CACFD1: variants seen among roughly 807,000 people sequenced by gnomAD.
The protein encoded by CACFD1 is calcium channel flower homolog.
CACFD1 carries 26 observed loss-of-function variants against 21.3 expected under a neutral mutation model. The observed-to-expected ratio is 1.22, with a 90% CI of 0.89 to 1.69. The LOEUF (loss-of-function observed/expected upper bound fraction) is 1.69. Ranked by LOEUF, CACFD1 falls within the 40% of genes most tolerant of loss-of-function variation. The pLI is 0.00. For synonymous variants in CACFD1, 121 were observed against 106.6 expected (o/e 1.13, Z -0.83); for missense variants, 265 against 236.2 (o/e 1.12, Z -0.80).
rs782414060 is a variant in CACFD1 at position 133,465,384 on chromosome 9, C to T, written c.257C>T (p.Ala86Val). ...TTCTGCTGCCAGTTCATCGAGTTTG[C>T]AAACACAGTGGCGGAGAAGGTGGAC... ...APFCCQFIEF[A>V]NTVAEKVDRL... Residue 86 changes from alanine to valine, a missense_variant, in exon 3 of 5, where the codon GCA (alanine) becomes GTA (valine). Ala to Val is a moderately conservative substitution (Grantham distance 64, BLOSUM62 0). Coordinates refer to ENST00000316948, the MANE Select transcript of CACFD1 (RefSeq NM_017586.5). The surrounding 1 kb of genome is among the most constrained non-coding windows in gnomAD (Gnocchi z 5.0). 4 of 1,613,912 alleles carry T rather than the reference C, an allele frequency of 2.5e-6. No individual in the cohort carries two copies. The highest frequency in any genetic ancestry group is 3.4e-6 in the Non-Finnish European group (4 of 1,179,924).
At chr9:133,460,549 C>T (rs1554798266) in intron 1 of CACFD1, among the ~76,000 whole-genome samples, 1 of 141,250 alleles carries the variant, frequency 7.1e-6, no homozygotes, top group Non-Finnish European at 1.6e-5. Context: ...TTTTGTGAGA[C>T]TTTCTCGGTG....
chr9:133,465,198 G>C lies in CACFD1; in HGVS notation c.195-124G>C. On this transcript the variant is annotated intron_variant, in intron 2 of 4. Transcript: ENST00000316948. This position sits in a 1 kb window ranked among gnomAD's most constrained non-coding sequence, Gnocchi z 5.0. ...CCTGGAGCAGCCGGGCGGCTTCCCAGAGGAGGAGGGATGAGGGCAGGAGGG... is the reference window on the plus strand; with the variant it reads ...CCTGGAGCAGCCGGGCGGCTTCCCACAGGAGGAGGGATGAGGGCAGGAGGG... 8.4e-7 allele frequency: 1 copy of C among 1,187,924 alleles called. No homozygotes were observed. Among genetic ancestry groups the C allele is most frequent in the Non-Finnish European group, 1.2e-6 (1 of 811,008 alleles). The allele number at this position is 1,187,924 out of a possible 1,614,324, so 73.6% of individuals were successfully genotyped here. A position where few individuals can be genotyped will look rare whatever the true frequency, so the allele number is the denominator to read the frequency against.
In CACFD1 at chr9:133,461,808, A is replaced by T. The variant is rs906660500; in HGVS notation, c.121+1621A>T. On this transcript the variant is annotated intron_variant, in intron 1 of 4. Coordinates refer to ENST00000316948, the MANE Select transcript of CACFD1 (RefSeq NM_017586.5). ...GGTTATGTGAACATCAAAATGCTGTATTACAGGGTAGAATGCAAAAATGCA... is the reference window on the plus strand; with the variant it reads ...GGTTATGTGAACATCAAAATGCTGTTTTACAGGGTAGAATGCAAAAATGCA... 25 of 936,726 alleles carry T rather than the reference A, an allele frequency of 2.7e-5. No homozygotes were observed. In the Admixed American group the frequency reaches 3.1e-4, roughly 12 times the overall value. The allele number at this position is 936,726 out of a possible 1,614,324, so 58.0% of individuals were successfully genotyped here.
intron 3 of CACFD1, among the ~76,000 whole-genome samples, chr9:133,466,585 C>G (rs1190082274): frequency 1.4e-5 from 2 of 143,236 alleles, no homozygotes; most frequent in Admixed American, 1.4e-4. Flanking sequence ...AAACATGTGT[C>G]TGCTAAAACT....
chr9:133,462,124 C>T, intron 1 of CACFD1: 2 of 1,303,748 alleles, frequency 1.5e-6, no homozygotes, highest in Non-Finnish European at 2.0e-6. Flanking sequence ...GACACCTGGT[C>T]CTCCCCCAAG....
At chr9:133,461,748 A>C (rs1394221855) in intron 1 of CACFD1, 1 of 414,972 alleles carries the variant, frequency 2.4e-6, no homozygotes, top group Non-Finnish European at 3.2e-6. Context: ...CATTGCCCTG[A>C]GTTGTCAGTT....
rs587625250 is a variant in CACFD1 at position 133,470,373 on chromosome 9, C to T, written c.*1720C>T. ...GGCCCCCTTCTGCCTGGCTTGCCTG[C>T]TTCTGCCCTTTCCAGAGGGGTCTCA... is the stretch of plus-strand genomic sequence containing the variant. On this transcript the variant is annotated 3_prime_UTR_variant, in exon 5 of 5. Coordinates refer to ENST00000316948, the MANE Select transcript of CACFD1 (RefSeq NM_017586.5). 1.3e-5 allele frequency: 2 copies of T among 152,622 alleles called. No individual in the cohort carries two copies. Among genetic ancestry groups the T allele is most frequent in the African/African-American group, 4.8e-5 (2 of 41,552 alleles). The allele number at this position is 152,622 out of a possible 1,614,324, so 9.5% of individuals were successfully genotyped here. A position where few individuals can be genotyped will look rare whatever the true frequency, so the allele number is the denominator to read the frequency against.
intron 1 of CACFD1, among the ~76,000 whole-genome samples, chr9:133,463,235 G>T (rs1253186522): frequency 6.6e-6 from 1 of 152,218 alleles, no homozygotes; most frequent in East Asian, 1.9e-4. Flanking sequence ...ACGGGGAGAG[G>T]ATGCTGTGAG....
In CACFD1 at chr9:133,462,190, C is replaced by T. The variant is rs1312686455; in HGVS notation, c.122-1293C>T. On this transcript the variant is annotated intron_variant, in intron 1 of 4. Transcript: ENST00000316948. ...GTTGGAGCTGGAGGCCAAATGCTGA[C>T]TGCAGCAGGAAGCACAGCCGAGCTG... The T allele has an allele frequency of 2.3e-6, 3 of 1,304,130 alleles. No individual in the cohort carries two copies. In the Admixed American group the frequency reaches 6.9e-5, roughly 30 times the overall value. The allele number at this position is 1,304,130 out of a possible 1,614,324, so 80.8% of individuals were successfully genotyped here.
chr9:133,463,330 C>T (rs1843292479), intron 1 of CACFD1, 153 bp from the exon 2 acceptor site: 3 of 927,214 alleles, frequency 3.2e-6, no homozygotes, highest in Non-Finnish European at 3.9e-6. Context: ...TCACCTGTCT[C>T]AGACGATAGA....
chr9:133,465,571 G>A lies in CACFD1; in HGVS notation c.320+124G>A. ...TTCCTCTCTGTGGAAGTGTAAACTG[G>A]GATTGCCTTTGTGCACAGTGATTTG... On this transcript the variant is annotated intron_variant, in intron 3 of 4. Transcript: ENST00000316948. This position sits in a 1 kb window ranked among gnomAD's most constrained non-coding sequence, Gnocchi z 5.0. 1.9e-6 allele frequency: 2 copies of A among 1,037,952 alleles called. No homozygotes were observed. Among genetic ancestry groups the A allele is most frequent in the Non-Finnish European group, 1.4e-6 (1 of 713,076 alleles). 64.3% of individuals were successfully genotyped at this position (1,037,952 alleles called of 1,614,324 possible). A position where few individuals can be genotyped will look rare whatever the true frequency, so the allele number is the denominator to read the frequency against.
In CACFD1 at chr9:133,463,492, TCTCTGGC is replaced by T; in HGVS notation, c.136_142del (p.Gly46SerfsTer9). The T allele has an allele frequency of 6.2e-7, 1 of 1,614,114 alleles. No individual in the cohort carries two copies. The highest frequency in any genetic ancestry group is 8.5e-7 in the Non-Finnish European group (1 of 1,180,018). On this transcript the variant is annotated frameshift_variant, in exon 2 of 5. Transcript: ENST00000316948. LOFTEE classifies it high-confidence loss of function. ...TGTCTCTTGTTTCAAGCTTGCGCGA[TCTCTGGC>T]CTCTTCAACTGCATCACCATCCACC...
At chr9:133,463,576 C>T (rs377165866) in intron 2 of CACFD1, 21 bp downstream of exon 2, 11 of 1,612,856 alleles carry the variant, frequency 6.8e-6, no homozygotes, top group East Asian at 2.2e-5. Context: ...CATGGCCGTC[C>T]CACCCCGGGG....
intron 2 of CACFD1, chr9:133,464,909 TG>T: frequency 6.0e-6 from 1 of 165,798 alleles, no homozygotes; most frequent in Non-Finnish European, 1.3e-5. Context: ...CGGCTTTTGG[TG>T]GCCATGGCGA....
At chr9:133,464,381 G>C (rs947637107) in intron 2 of CACFD1, among the ~76,000 whole-genome samples, 1 of 152,216 alleles carries the variant, frequency 6.6e-6, no homozygotes, top group African/African-American at 2.4e-5. Context: ...AGCTTCAGGG[G>C]GTGGAGTCGG....
chr9:133,461,550 G>C (rs1412356075), intron 1 of CACFD1, among the ~76,000 whole-genome samples: 2 of 152,236 alleles, frequency 1.3e-5, no homozygotes, highest in African/African-American at 4.8e-5. Context: ...TGGTGAGAAA[G>C]GAAAGGTCCT....
In CACFD1 at chr9:133,460,071, G is replaced by T. The variant is rs376963405; in HGVS notation, c.5G>T (p.Ser2Ile). Residue 2 changes from serine (S) to isoleucine (I), a missense_variant, in exon 1 of 5, where the codon AGC (serine) becomes ATC (isoleucine). Physicochemically the swap from Ser to Ile is moderately radical, Grantham distance 142. Transcript: ENST00000316948. MSSSGGAPGASA... is the reference protein window; with the variant it reads MISSGGAPGASA... ...GCTGCGCCTGACGGTGGCACCATGA[G>T]CAGCTCAGGTGGGGCGCCCGGGGCG... 3 of 1,562,002 alleles carry T rather than the reference G, an allele frequency of 1.9e-6. No individual in the cohort carries two copies. The highest frequency in any genetic ancestry group is 1.7e-6 in the Non-Finnish European group (2 of 1,153,668).
chr9:133,463,573 G>C lies in CACFD1; in HGVS notation c.194+18G>C, dbSNP rs782200236. The C allele has an allele frequency of 6.8e-6, 11 of 1,613,038 alleles. No individual in the cohort carries two copies. Among genetic ancestry groups the C allele is most frequent in the Non-Finnish European group, 9.3e-6 (11 of 1,179,240 alleles). ...TGGATGATGTGAGTAATGCATGGCC[G>C]TCCCACCCCGGGGGTCTTGCTGGTC... On this transcript the variant is annotated intron_variant, in intron 2 of 4. Transcript: ENST00000316948.
intron 1 of CACFD1, among the ~76,000 whole-genome samples, chr9:133,462,412 C>T (rs1227166838): frequency 6.6e-6 from 1 of 152,240 alleles, no homozygotes; most frequent in Non-Finnish European, 1.5e-5. Context: ...GCCCATGAAG[C>T]AGTCCCATTG....
Sources: gnomAD v4.1 joint callset for allele counts (sites outside exome capture counted in the v4.1 genomes callset) on GRCh38, gnomAD v4.1.1 for gene constraint, Gnocchi (gnomAD v3.1) non-coding constraint, MANE v1.5 for transcripts, NCBI Gene and HGNC (gene_info 2026-07-23, HGNC 2026-07-21) for gene names.